The following SMAD4 variants were observed in gnomAD, a reference collection of about 807,000 sequenced individuals.
The protein encoded by SMAD4 is MAD homolog 4.
A neutral mutation model predicts 63.2 loss-of-function variants in SMAD4; 7 were observed. The observed-to-expected ratio is 0.11, with a 90% CI of 0.06 to 0.21. The LOEUF is 0.21. Ranked by LOEUF, SMAD4 falls within the 10% of genes least tolerant of loss-of-function variation. The pLI is 1.00. For synonymous variants in SMAD4, 215 were observed against 235.4 expected (o/e 0.91, Z 0.79); for missense variants, 312 against 693.8 (o/e 0.45, Z 6.18).
rs1207244334 is a variant in SMAD4 at position 51,079,032 on chromosome 18, GTTATA to G, written c.*569_*573del. The G allele has an allele frequency of 2.6e-5, 6 of 233,302 alleles. No homozygotes were observed. Among genetic ancestry groups the G allele is most frequent in the Non-Finnish European group, 5.1e-5 (6 of 118,004 alleles). The allele number at this position is 233,302 out of a possible 1,614,324, so 14.5% of individuals were successfully genotyped here. ...CTTTCATCCAAAATATTTTTTGCAA[GTTATA>G]TTAGTGAAGATGGTTTCAATTCAGA... is the stretch of plus-strand genomic sequence containing the variant. On this transcript the variant is annotated 3_prime_UTR_variant, in exon 12 of 12. Coordinates refer to ENST00000342988, the MANE Select transcript of SMAD4 (RefSeq NM_005359.6).
intron 6 of SMAD4, 22 bp downstream of exon 6, chr18:51,058,266 T>G: frequency 6.2e-7 from 1 of 1,611,112 alleles, no homozygotes; most frequent in Non-Finnish European, 8.5e-7. Context: ...CTTTAAAAAA[T>G]CTTTTAAATA....
In SMAD4 at chr18:51,058,110, T is replaced by G. The variant is rs1378869804; in HGVS notation, c.668-15T>G. 2.5e-6 allele frequency: 4 copies of G among 1,610,892 alleles called. No homozygotes were observed. Among genetic ancestry groups the G allele is most frequent in the Non-Finnish European group, 3.4e-6 (4 of 1,177,990 alleles). On this transcript the variant is annotated splice_polypyrimidine_tract_variant and intron_variant, in intron 5 of 11. Coordinates refer to ENST00000342988, the MANE Select transcript of SMAD4 (RefSeq NM_005359.6). ...TCTATGAATGTACCATGTTAATGTC[T>G]TCTTGTTCCTCTAGGTCAGCCTGCC...
In SMAD4 at chr18:51,037,783, A is replaced by AT. The variant is rs538823366; in HGVS notation, c.-128+7163dup. On this transcript the variant is annotated intron_variant, in intron 1 of 11. Coordinates refer to ENST00000342988, the MANE Select transcript of SMAD4 (RefSeq NM_005359.6). Reference sequence around the variant, plus strand: ...GGATGACAGATAAGCTCAGATAGCTATTTAGATTTGAGTATTTGGCAGGTA... The same window carrying AT: ...GGATGACAGATAAGCTCAGATAGCTATTTTAGATTTGAGTATTTGGCAGGTA... Among the ~76,000 whole-genome samples the AT allele has an allele frequency of 3.8e-4, 58 of 152,292 alleles. 1 individual carries two copies. In the South Asian group the frequency reaches 0.012, roughly 31 times the overall value.
rs751277312 is a variant in SMAD4 at position 51,079,103 on chromosome 18, ACT to A, written c.*639_*640del. 2 of 232,934 alleles carry A rather than the reference ACT, an allele frequency of 8.6e-6. No homozygotes were observed. Among genetic ancestry groups the A allele is most frequent in the African/African-American group, 2.2e-5 (1 of 45,330 alleles). 14.4% of individuals were successfully genotyped at this position (232,934 alleles called of 1,614,324 possible). A position where few individuals can be genotyped will look rare whatever the true frequency, so the allele number is the denominator to read the frequency against. On this transcript the variant is annotated 3_prime_UTR_variant, in exon 12 of 12. Coordinates refer to ENST00000342988, the MANE Select transcript of SMAD4 (RefSeq NM_005359.6). Reference sequence around the variant, plus strand: ...AGTTTTATTTTTGCCAAGGCAAAAAACTCTTAATCTGTGTGTATATTGAGAAT... The same window carrying A: ...AGTTTTATTTTTGCCAAGGCAAAAAACTTAATCTGTGTGTATATTGAGAAT...
chr18:51,051,172 G>A, intron 4 of SMAD4: 1 of 290,578 alleles, frequency 3.4e-6, no homozygotes. Flanking sequence ...TGTTTGTGAG[G>A]GGGTTCAAAT....
chr18:51,076,963 C>A (rs1910488439), intron 11 of SMAD4, 187 bp downstream of exon 11: 4 of 512,502 alleles, frequency 7.8e-6, no homozygotes, highest in Non-Finnish European at 1.0e-5. Context: ...ACCCTGTTTG[C>A]ATTCTTTTTG....
At chr18:51,035,171 A>G (rs989243743) in intron 1 of SMAD4, among the ~76,000 whole-genome samples, 11 of 151,866 alleles carry the variant, frequency 7.2e-5, no homozygotes, top group African/African-American at 2.4e-4. Flanking sequence ...CCTTCCTGTC[A>G]CCTATTCCTT....
intron 1 of SMAD4, among the ~76,000 whole-genome samples, chr18:51,042,521 G>A (rs1416322957): frequency 6.6e-6 from 1 of 151,702 alleles, no homozygotes; most frequent in Non-Finnish European, 1.5e-5. Context: ...ATAGGCATGT[G>A]CCACCATGCC....
rs563382618 is a variant in SMAD4, at chr18:51,079,524, T to C, written c.*1057T>C. Reference sequence around the variant, plus strand: ...TGTACTTGATTTGATGTGACTTTTTTTGGTATAATGTTTAAATCATGTATG... The same window carrying C: ...TGTACTTGATTTGATGTGACTTTTTCTGGTATAATGTTTAAATCATGTATG... On this transcript the variant is annotated 3_prime_UTR_variant, in exon 12 of 12. Transcript: ENST00000342988. 1.7e-5 allele frequency: 4 copies of C among 233,480 alleles called. No individual in the cohort carries two copies. The highest frequency in any genetic ancestry group is 1.1e-4 in the Admixed American group (2 of 17,806). 14.5% of individuals were successfully genotyped at this position (233,480 alleles called of 1,614,324 possible).
intron 10 of SMAD4, among the ~76,000 whole-genome samples, chr18:51,073,097 T>C (rs1910359331): frequency 6.6e-6 from 1 of 151,976 alleles, no homozygotes; most frequent in African/African-American, 2.4e-5. Flanking sequence ...GCCCAATGAA[T>C]CATTTTTACT....
chr18:51,049,348 T>G (rs1380809078), intron 4 of SMAD4, 24 bp downstream of exon 4: 1 of 1,568,644 alleles, frequency 6.4e-7, no homozygotes, highest in Middle Eastern at 1.7e-4. Context: ...TTCTTACTAC[T>G]TTCTCTTTGT....
intron 2 of SMAD4, 55 bp downstream of exon 2, chr18:51,047,350 G>C (rs1909575331): frequency 6.5e-7 from 1 of 1,533,590 alleles, no homozygotes; most frequent in Admixed American, 1.7e-5. Flanking sequence ...TTAAAAACTT[G>C]CTACGTTTCC....
chr18:51,040,538 C>T (rs1012755240), intron 1 of SMAD4, among the ~76,000 whole-genome samples: 1 of 152,110 alleles, frequency 6.6e-6, no homozygotes, highest in African/African-American at 2.4e-5. Context: ...ACATATAATA[C>T]AGTTAATTCA....
At chr18:51,037,196 A>C (rs542123722) in intron 1 of SMAD4, among the ~76,000 whole-genome samples, 1 of 152,350 alleles carries the variant, frequency 6.6e-6, no homozygotes, top group South Asian at 2.1e-4. Flanking sequence ...AAACAAAAAA[A>C]GTTTTATAAA....
chr18:51,036,573 A>C (rs866183890), intron 1 of SMAD4, among the ~76,000 whole-genome samples: 7 of 152,352 alleles, frequency 4.6e-5, no homozygotes, highest in South Asian at 2.1e-4. Flanking sequence ...ATAGATGCTG[A>C]AATAATGAAG....
At position 51,058,112 on chromosome 18, in the gene SMAD4, C is replaced by T. The variant is rs2144426476; in HGVS notation, c.668-13C>T. 6.2e-7 allele frequency: 1 copy of T among 1,611,048 alleles called. No homozygotes were observed. The highest frequency in any genetic ancestry group is 8.5e-7 in the Non-Finnish European group (1 of 1,178,060). On this transcript the variant is annotated splice_polypyrimidine_tract_variant and intron_variant, in intron 5 of 11. Transcript: ENST00000342988. ...TATGAATGTACCATGTTAATGTCTT[C>T]TTGTTCCTCTAGGTCAGCCTGCCAG... is the stretch of plus-strand genomic sequence containing the variant.
chr18:51,083,333 G>GT lies in SMAD4; in HGVS notation c.*4867dup, dbSNP rs571773833. The stretch of plus-strand genomic sequence containing the variant: ...CTGTACAGATATTTTTGACCTATAG[G>GT]TGCCTTTATGAGAATTGAGGGTCTG... On this transcript the variant is annotated 3_prime_UTR_variant, in exon 12 of 12. Transcript: ENST00000342988. The GT allele has an allele frequency of 2.4e-3, 559 of 228,164 alleles. 3 individuals carry two copies. The highest frequency in any genetic ancestry group is 7.2e-3 in the African/African-American group (327 of 45,154). The allele number at this position is 228,164 out of a possible 1,614,324, so 14.1% of individuals were successfully genotyped here.
In SMAD4 at chr18:51,080,331, C is replaced by A. The variant is rs561442548; in HGVS notation, c.*1864C>A. ...CCTCATTTGTACTCTTGATTACTTA[C>A]AAATTCTTTCAGTAAACACCTAATT... On this transcript the variant is annotated 3_prime_UTR_variant, in exon 12 of 12. Coordinates refer to ENST00000342988, the MANE Select transcript of SMAD4 (RefSeq NM_005359.6). 14 of 231,912 alleles carry A rather than the reference C, an allele frequency of 6.0e-5. No homozygotes were observed. The South Asian group carries it at 2.4e-3, about 39-fold the overall frequency. The allele number at this position is 231,912 out of a possible 1,614,324, so 14.4% of individuals were successfully genotyped here.
At chr18:51,033,251 G>A (rs1269422662) in intron 1 of SMAD4, among the ~76,000 whole-genome samples, 1 of 148,012 alleles carries the variant, frequency 6.8e-6, no homozygotes, top group Non-Finnish European at 1.5e-5. Context: ...GTGCAGAGGC[G>A]CGATCTCCAC....
Sources: gnomAD v4.1 joint callset for allele counts (sites outside exome capture counted in the v4.1 genomes callset) on GRCh38, gnomAD v4.1.1 for gene constraint, MANE v1.5 for transcripts, NCBI Gene and HGNC (gene_info 2026-07-23, HGNC 2026-07-21) for gene names.